PAM: variants seen among roughly 807,000 people sequenced by gnomAD.
PAM encodes the protein peptidylglycine alpha-amidating monooxygenase, also known as peptidyl-glycine alpha-amidating monooxygenase.
In PAM, 72 loss-of-function variants were observed where a neutral mutation model predicts 122.1. The ratio of observed to expected loss-of-function variants is 0.59; its 90% CI spans 0.49 to 0.72. The LOEUF is 0.72. Among genes scored for constraint, PAM ranks in the 30% least tolerant of loss-of-function variants. The pLI is 0.00. For missense variants in PAM, 1,106 were observed against 1,183.7 expected, an observed-to-expected ratio of 0.93 and a Z score of 0.96; for synonymous variants, 389 against 404.4, an observed-to-expected ratio of 0.96 and a Z score of 0.46.
intron 16 of PAM, among the ~76,000 whole-genome samples, chr5:102,996,808 CCT>C (rs1301572596): frequency 2.0e-5 from 3 of 152,172 alleles, no homozygotes; most frequent in Non-Finnish European, 4.4e-5. Context: ...CTACATTCTT[CCT>C]AAGAATTCTG....
chr5:103,029,967 G>C (rs565089399), downstream of PAM: 29 of 152,250 alleles, frequency 1.9e-4, no homozygotes, highest in African/African-American at 6.7e-4. Flanking sequence ...TCAATCAGAG[G>C]ATAAATACTT....
At chr5:102,976,633 T>C (rs1767773846) in intron 15 of PAM, among the ~76,000 whole-genome samples, 1 of 152,186 alleles carries the variant, frequency 6.6e-6, no homozygotes, top group Admixed American at 6.5e-5. Context: ...AGGAATTGTA[T>C]TTGCTGCATA....
chr5:102,803,665 TC>T lies in PAM; in HGVS notation c.-374+48320del, dbSNP rs1405214601. On this transcript the variant is annotated intron_variant, in intron 1 of 25. Coordinates refer to ENST00000438793, the MANE Select transcript of PAM (RefSeq NM_001177306.2). The stretch of plus-strand genomic sequence containing the variant: ...AAAGTGAAATTTTGATTTCTACCTT[TC>T]CCTACCACACTGGGTTCTTTAAAAG... 4.6e-5 allele frequency among the ~76,000 whole-genome samples: 7 copies of T among 152,288 alleles called. No homozygotes were observed. In the South Asian group the frequency reaches 1.5e-3, roughly 32 times the overall value.
chr5:102,884,648 T>C (rs780782618), intron 3 of PAM, among the ~76,000 whole-genome samples: 2 of 151,942 alleles, frequency 1.3e-5, no homozygotes, highest in African/African-American at 2.4e-5. Context: ...AATTAATATT[T>C]CAATAACCCT....
At chr5:102,798,284 C>T (rs190628390) in intron 1 of PAM, among the ~76,000 whole-genome samples, 2 of 152,226 alleles carry the variant, frequency 1.3e-5, no homozygotes, top group East Asian at 1.9e-4. Context: ...TTCTGTTTCT[C>T]GTACTGTATA....
intron 22 of PAM, 37 bp from the exon 23 acceptor site, chr5:103,019,753 A>G: frequency 7.0e-7 from 1 of 1,422,204 alleles, no homozygotes; most frequent in Non-Finnish European, 9.9e-7. Context: ...CTTTTTGGAG[A>G]TTCTGACTTT....
At chr5:102,789,327 A>G (rs537361511) in intron 1 of PAM, among the ~76,000 whole-genome samples, 2 of 152,248 alleles carry the variant, frequency 1.3e-5, no homozygotes, top group African/African-American at 4.8e-5. Flanking sequence ...TCGAATAGAC[A>G]TTTGTATGCC....
chr5:102,800,367 A>G (rs1215597857), intron 1 of PAM, among the ~76,000 whole-genome samples: 1 of 152,228 alleles, frequency 6.6e-6, no homozygotes, highest in Admixed American at 6.5e-5. Context: ...TTTTGCATGT[A>G]TACGAAATTG....
chr5:102,872,424 T>C (rs1787842403), intron 3 of PAM, among the ~76,000 whole-genome samples: 1 of 152,250 alleles, frequency 6.6e-6, no homozygotes, highest in Non-Finnish European at 1.5e-5. Context: ...GTTCTCAAAA[T>C]CTTCCCACTG....
chr5:102,861,450 CA>C (rs1258763465), intron 1 of PAM, among the ~76,000 whole-genome samples: 1 of 152,148 alleles, frequency 6.6e-6, no homozygotes, highest in Non-Finnish European at 1.5e-5. Context: ...AGGCATTCTG[CA>C]AAATAGCTAG....
At chr5:102,987,590 A>G (rs1292624788) in intron 15 of PAM, 3 of 450,900 alleles carry the variant, frequency 6.7e-6, no homozygotes, top group Non-Finnish European at 1.3e-5. Context: ...TATTCTAAAT[A>G]CCCTGATTTG....
chr5:102,767,391 T>C (rs965479319), intron 1 of PAM, among the ~76,000 whole-genome samples: 2 of 152,206 alleles, frequency 1.3e-5, no homozygotes, highest in Non-Finnish European at 2.9e-5. Context: ...AATCTTCATC[T>C]GGCCTCTTAT....
chr5:103,014,891 T>A (rs1781560274), intron 21 of PAM, among the ~76,000 whole-genome samples: 1 of 152,198 alleles, frequency 6.6e-6, no homozygotes, highest in South Asian at 2.1e-4. Flanking sequence ...CCTCATTATC[T>A]GCTTTTATAC....
chr5:102,865,880 CG>C lies in PAM; in HGVS notation c.-314del. On this transcript the variant is annotated 5_prime_UTR_variant, in exon 2 of 26. It introduces an in-frame stop codon into an upstream open reading frame of the 5' UTR. Transcript: ENST00000438793. Reference sequence around the variant, plus strand: ...ATACCCCTCACAGCCCCTGTCATTCCGGAGTCATAAGGCACCCGCGCGTCTA... The same window carrying C: ...ATACCCCTCACAGCCCCTGTCATTCCGAGTCATAAGGCACCCGCGCGTCTA... The C allele has an allele frequency of 3.1e-6, 1 of 318,744 alleles. No homozygotes were observed. Among genetic ancestry groups the C allele is most frequent in the East Asian group, 6.3e-5 (1 of 15,958 alleles). The allele number at this position is 318,744 out of a possible 1,614,324, so 19.7% of individuals were successfully genotyped here.
chr5:102,979,522 G>A (rs1290399298), intron 15 of PAM, among the ~76,000 whole-genome samples: 2 of 150,746 alleles, frequency 1.3e-5, no homozygotes, highest in African/African-American at 5.0e-5. Context: ...TTTTGTTGAA[G>A]TCTTCTAGTG....
At chr5:102,880,642 T>C (rs1187366899) in intron 3 of PAM, among the ~76,000 whole-genome samples, 6 of 152,102 alleles carry the variant, frequency 3.9e-5, no homozygotes, top group Admixed American at 3.3e-4. Flanking sequence ...TCTTTAGTAG[T>C]ATCCAGTAAG....
At chr5:103,014,433 T>A in intron 21 of PAM, among the ~76,000 whole-genome samples, 1 of 152,216 alleles carries the variant, frequency 6.6e-6, no homozygotes, top group African/African-American at 2.4e-5. Context: ...GACTTGATAT[T>A]ACACCAAAAC....
chr5:102,916,501 C>G (rs1803143018), intron 5 of PAM, among the ~76,000 whole-genome samples: 1 of 151,636 alleles, frequency 6.6e-6, no homozygotes. Context: ...TATTCATCAT[C>G]TTTTAACCAA....
Position 103,007,674 on chromosome 5 carries a change from T to C in PAM, c.2215+17T>C. The C allele has an allele frequency of 1.4e-6, 2 of 1,473,608 alleles. No individual in the cohort carries two copies. Among genetic ancestry groups the C allele is most frequent in the Non-Finnish European group, 1.9e-6 (2 of 1,053,064 alleles). The allele number at this position is 1,473,608 out of a possible 1,614,324, so 91.3% of individuals were successfully genotyped here. A position where few individuals can be genotyped will look rare whatever the true frequency, so the allele number is the denominator to read the frequency against. ...ATATACCAGGTATTTCATCTTAATATGTTTGTTGTCTTCTGTCCTACTGTA... is the reference window on the plus strand; with the variant it reads ...ATATACCAGGTATTTCATCTTAATACGTTTGTTGTCTTCTGTCCTACTGTA... On this transcript the variant is annotated intron_variant, in intron 20 of 25. Transcript: ENST00000438793.
Sources: gnomAD v4.1 joint callset for allele counts (sites outside exome capture counted in the v4.1 genomes callset) on GRCh38, gnomAD v4.1.1 for gene constraint, MANE v1.5 for transcripts, NCBI Gene and HGNC (gene_info 2026-07-23, HGNC 2026-07-21) for gene names.